Variants in ELN observed in about 807,000 individuals in gnomAD.
The protein encoded by ELN is elastin.
A neutral mutation model predicts 105.8 loss-of-function variants in ELN; 65 were observed. The observed-to-expected ratio is 0.61, with a 90% confidence interval of 0.50 to 0.75. The LOEUF is 0.75. ELN is among the 30% of genes least tolerant of loss of function. The probability of loss-of-function intolerance (pLI) is 0.00; values close to 1 mark genes in which losing one functional copy is unlikely to be tolerated. For missense variants in ELN, 882 were observed against 969.4 expected, an observed-to-expected ratio of 0.91 and a Z score of 1.20; for synonymous variants, 368 against 389.2, an observed-to-expected ratio of 0.95 and a Z score of 0.64.
chr7:74,046,222 G>A lies in ELN; in HGVS notation c.571+5G>A. 2 of 1,614,194 alleles carry A rather than the reference G, an allele frequency of 1.2e-6. No homozygotes were observed. The highest frequency in any genetic ancestry group is 1.3e-5 in the African/African-American group (1 of 75,072). On this transcript the variant is annotated splice_donor_5th_base_variant and intron_variant, in intron 11 of 32. Coordinates refer to ENST00000252034, the MANE Select transcript of ELN (RefSeq NM_000501.4). The stretch of plus-strand genomic sequence containing the variant: ...GAGCTTTTGCTGGAATCCCAGGTGA[G>A]GCAAGGCTGGTGGGAGAAGCAGGGT...
intron 22 of ELN, 86 bp from the exon 23 acceptor site, chr7:74,059,800 G>A (rs1221961244): frequency 2.5e-6 from 2 of 810,714 alleles, no homozygotes; most frequent in African/African-American, 3.3e-5. Context: ...ATCTATGCCA[G>A]GGCCGAGGCT....
intron 1 of ELN, among the ~76,000 whole-genome samples, chr7:74,034,092 G>T (rs1313787620): frequency 6.6e-6 from 1 of 152,148 alleles, no homozygotes. Flanking sequence ...CTCATTCATG[G>T]CGTCCCCCTG....
At position 74,063,653 on chromosome 7, in the gene ELN, G is replaced by A. The variant is rs34852121; in HGVS notation, c.1951G>A (p.Gly651Arg). ...GGGAGCCGCTGGGCTCGGAGGACTC[G>A]GAGTCGGAGGGCTTGGAGTTCCAGG... The part of the protein sequence containing the change: ...LVGAAGLGGL[G>R]VGGLGVPGVG... The change falls in exon 29 of 33, where the codon GGA becomes AGA. Residue 651 changes from glycine to arginine, a missense_variant. Physicochemically the swap from Gly to Arg is moderately radical, Grantham distance 125 (BLOSUM62 -2). Transcript: ENST00000252034. This position sits in a 1 kb window ranked among gnomAD's most constrained non-coding sequence, Gnocchi z 4.1. The A allele has an allele frequency of 5.9e-5, 95 of 1,613,680 alleles. No individual in the cohort carries two copies. Among genetic ancestry groups the A allele is most frequent in the African/African-American group, 6.7e-5 (5 of 74,924 alleles).
rs1196944432 is a variant in ELN, at chr7:74,048,202, G to A, written c.745+1G>A. On this transcript the variant is annotated splice_donor_variant, in intron 14 of 32. Transcript: ENST00000252034. LOFTEE classifies it high-confidence loss of function. ...AAGGCTGGTTACCCAACAGGGACAGGTAAGGAAAGCCTCACGTCACTTCCA... is the reference window on the plus strand; with the variant it reads ...AAGGCTGGTTACCCAACAGGGACAGATAAGGAAAGCCTCACGTCACTTCCA... The A allele has an allele frequency of 1.9e-6, 3 of 1,613,894 alleles. No homozygotes were observed. The highest frequency in any genetic ancestry group is 2.5e-6 in the Non-Finnish European group (3 of 1,179,946).
intron 17 of ELN, chr7:74,052,891 A>C: frequency 2.2e-6 from 1 of 445,858 alleles, no homozygotes; most frequent in Non-Finnish European, 4.1e-6. Flanking sequence ...GAGAGAGAGA[A>C]AGAAAGAAAG....
chr7:74,066,032 C>T (rs1554689035), intron 31 of ELN, 35 bp downstream of exon 31: 1 of 1,613,844 alleles, frequency 6.2e-7, no homozygotes, highest in Non-Finnish European at 8.5e-7. Flanking sequence ...TAGTCCTCAG[C>T]TCTGTCCCGA....
At position 74,063,360 on chromosome 7, in the gene ELN, G is replaced by A. The variant is rs536177240; in HGVS notation, c.1909G>A (p.Ala637Thr). The change falls in exon 28 of 33, where the codon GCC becomes ACC. Residue 637 changes from alanine (A) to threonine (T), a missense_variant. Coordinates refer to ENST00000252034, the MANE Select transcript of ELN (RefSeq NM_000501.4). This position sits in a 1 kb window ranked among gnomAD's most constrained non-coding sequence, Gnocchi z 4.1. Reference protein sequence around the residue: ...AAAAKAAAKAAQFGLVGAAGL... With the variant: ...AAAAKAAAKATQFGLVGAAGL... ...CGCAGCCAAAGCTGCTGCCAAAGCC[G>A]CCCAGTTTGGTGAGCACTGGGTGGA... is the stretch of plus-strand genomic sequence containing the variant. 140 of 1,547,070 alleles carry A rather than the reference G, an allele frequency of 9.0e-5. No individual in the cohort carries two copies. The Middle Eastern group carries it at 2.2e-3, about 25-fold the overall frequency.
At position 74,060,400 on chromosome 7, in the gene ELN, G is replaced by A. The variant is rs1796379024; in HGVS notation, c.1646G>A (p.Gly549Asp). The change falls in exon 25 of 33, where the codon GGC (glycine) becomes GAC (aspartate). Residue 549 changes from glycine (G) to aspartate (D), a missense_variant. Coordinates refer to ENST00000252034, the MANE Select transcript of ELN (RefSeq NM_000501.4). ...GGAGCTGCAGCTGGGCTTGGTGCTG[G>A]CATCCCTGGACTTGGAGTTGGTGTC... ...QLRAAAGLGA[G>D]IPGLGVGVGV... 1.2e-6 allele frequency: 2 copies of A among 1,614,034 alleles called. No homozygotes were observed. The highest frequency in any genetic ancestry group is 2.2e-5 in the South Asian group (2 of 91,088).
At position 74,035,344 on chromosome 7, in the gene ELN, C is replaced by T. The variant is rs545686066; in HGVS notation, c.83-20C>T. The T allele has an allele frequency of 1.1e-5, 17 of 1,613,940 alleles. No individual in the cohort carries two copies. In the East Asian group the frequency reaches 3.3e-4, roughly 32 times the overall value. On this transcript the variant is annotated intron_variant, in intron 1 of 32. Coordinates refer to ENST00000252034, the MANE Select transcript of ELN (RefSeq NM_000501.4). ...ATAGTTCTGGCTCCTGGAGGACTGA[C>T]TCTACCTGTTTCCTTTCAGGGGTCC...
chr7:74,036,629 T>C lies in ELN; in HGVS notation c.163+45T>C, dbSNP rs1287495315. On this transcript the variant is annotated intron_variant, in intron 3 of 32. Transcript: ENST00000252034. The stretch of plus-strand genomic sequence containing the variant: ...TTGTTCATCACTGAAAGGGCCTGGG[T>C]TTCACCCGAGCCACATGCATCCTCA... The C allele has an allele frequency of 5.6e-6, 9 of 1,613,592 alleles. No individual in the cohort carries two copies. The African/African-American group carries it at 1.2e-4, about 22-fold the overall frequency.
chr7:74,029,606 C>T (rs1273462735), intron 1 of ELN, among the ~76,000 whole-genome samples: 2 of 152,150 alleles, frequency 1.3e-5, no homozygotes, highest in Non-Finnish European at 2.9e-5. Context: ...GATTGAACAG[C>T]TTCCTGTGCA....
chr7:74,053,451 C>G, intron 18 of ELN, 142 bp downstream of exon 18: 1 of 1,492,608 alleles, frequency 6.7e-7, no homozygotes, highest in East Asian at 2.5e-5. Flanking sequence ...CGTCTCATCC[C>G]CTCATCTTCT....
intron 29 of ELN, among the ~76,000 whole-genome samples, chr7:74,064,423 AAT>A (rs60621659): frequency 1.0e-3 from 135 of 133,128 alleles, no homozygotes; most frequent in South Asian, 1.9e-3. Context: ...TCAAAAAAAA[AAT>A]ATATATATAT....
At chr7:74,061,638 C>A (rs955277692) in intron 26 of ELN, among the ~76,000 whole-genome samples, 4 of 152,014 alleles carry the variant, frequency 2.6e-5, no homozygotes, top group Non-Finnish European at 5.9e-5. Flanking sequence ...GACGACAGAG[C>A]GAGACTGTAT....
intron 3 of ELN, 30 bp from the exon 4 acceptor site, chr7:74,037,677 C>T (rs782628350): frequency 6.2e-7 from 1 of 1,608,576 alleles, no homozygotes; most frequent in South Asian, 1.1e-5. Flanking sequence ...GCTGGGCCAC[C>T]CCATTCACTA....
At chr7:74,056,593 G>A in intron 20 of ELN, 79 bp from the exon 21 acceptor site, 1 of 1,609,798 alleles carries the variant, frequency 6.2e-7, no homozygotes, top group Non-Finnish European at 8.5e-7. Context: ...GCCTTACAGG[G>A]CAGAAGAGCT....
intron 19 of ELN, 105 bp from the exon 20 acceptor site, chr7:74,056,166 C>T: frequency 6.8e-7 from 1 of 1,478,716 alleles, no homozygotes; most frequent in Non-Finnish European, 9.4e-7. Context: ...TGGACAAGGC[C>T]TGGGGGAAAT....
intron 4 of ELN, among the ~76,000 whole-genome samples, chr7:74,038,451 G>A (rs782331824): frequency 1.3e-5 from 2 of 152,350 alleles, no homozygotes; most frequent in Non-Finnish European, 1.5e-5. Flanking sequence ...TCCAGACCAC[G>A]GAGTTTTCCA....
At chr7:74,042,265 C>CAAAA (rs35110641) in intron 5 of ELN, among the ~76,000 whole-genome samples, 3 of 144,602 alleles carry the variant, frequency 2.1e-5, no homozygotes, top group African/African-American at 5.1e-5. Context: ...ACAAAAAATA[C>CAAAA]AAAAAAAAAA....
Sources: allele counts gnomAD v4.1 joint callset (sites outside exome capture counted in the v4.1 genomes callset), GRCh38; gene constraint gnomAD v4.1.1; non-coding constraint Gnocchi (gnomAD v3.1); transcripts MANE v1.5; gene names NCBI Gene and HGNC (gene_info 2026-07-23, HGNC 2026-07-21).